MRE11: variants seen among roughly 807,000 people sequenced by gnomAD.
MRE11 encodes double-strand break repair protein MRE11.
A neutral mutation model predicts 91.7 loss-of-function variants in MRE11; 62 were observed. The observed-to-expected ratio is 0.68, with a 90% CI of 0.55 to 0.84. The LOEUF is 0.84. MRE11 is among the 40% of genes least tolerant of loss of function. MRE11 has a pLI of 0.00. For synonymous variants in MRE11, 273 were observed against 271.4 expected, an observed-to-expected ratio of 1.01 and a Z score of -0.06; for missense variants, 796 against 852.9, an observed-to-expected ratio of 0.93 and a Z score of 0.83.
chr11:94,464,196 A>C lies in MRE11; in HGVS notation c.1142T>G (p.Phe381Cys), dbSNP rs1386525498. The change falls in exon 11 of 20, where the codon TTT becomes TGT. Residue 381 changes from phenylalanine to cysteine, a missense_variant. Coordinates refer to ENST00000323929, the MANE Select transcript of MRE11 (RefSeq NM_005591.4). ...TACCCGATCCACAAATTTCTGGCTA[A>C]AGCGAAGAACACTGAAAGGTTCAAA... Reference protein sequence around the residue: ...GGFEPFSVLRFSQKFVDRVAN... With the variant: ...GGFEPFSVLRCSQKFVDRVAN... 1 of 1,613,880 alleles carries C rather than the reference A, an allele frequency of 6.2e-7. No individual in the cohort carries two copies. Among genetic ancestry groups the C allele is most frequent in the Non-Finnish European group, 8.5e-7 (1 of 1,179,934 alleles).
Position 94,467,870 on chromosome 11 carries a change from A to C in MRE11, c.1041T>G (p.Ala347=). ...GAGAATTACCCAGACGTTCCCGTTC[A>C]GCATTTTCAAGCATTTCTTCAATCT... is the stretch of plus-strand genomic sequence containing the variant. ...LEKIEEMLEN[A]ERERLGNSHQ... is the part of the protein sequence containing the mutation. Residue 347 remains alanine, a synonymous_variant, in exon 10 of 20, where the codon GCT becomes GCG. Coordinates refer to ENST00000323929, the MANE Select transcript of MRE11 (RefSeq NM_005591.4). 6.2e-7 allele frequency: 1 copy of C among 1,613,720 alleles called. No individual in the cohort carries two copies. The highest frequency in any genetic ancestry group is 8.5e-7 in the Non-Finnish European group (1 of 1,179,778).
chr11:94,479,710 C>T lies in MRE11; in HGVS notation c.366G>A (p.Val122=), dbSNP rs2135091081. Residue 122 remains valine, a synonymous_variant, in exon 5 of 20, where the codon GTG becomes GTA. Transcript: ENST00000323929. ...QDGNLNISIP[V]FSIHGNHDDP... ...CGTCATGATTGCCATGAATACTAAA[C>T]ACTGGAATTGAAATGTTGAGGTTGC... 1 of 1,613,016 alleles carries T rather than the reference C, an allele frequency of 6.2e-7. No individual in the cohort carries two copies. Among genetic ancestry groups the T allele is most frequent in the East Asian group, 2.2e-5 (1 of 44,782 alleles).
chr11:94,451,113 C>T (rs1474502460), intron 14 of MRE11, among the ~76,000 whole-genome samples: 1 of 150,724 alleles, frequency 6.6e-6, no homozygotes, highest in African/African-American at 2.4e-5. Flanking sequence ...AACGAGACTC[C>T]GTCTATATAA....
At position 94,437,239 on chromosome 11, in the gene MRE11, G is replaced by T. The variant is rs768257868; in HGVS notation, c.1868-4C>A. 2 of 1,611,810 alleles carry T rather than the reference G, an allele frequency of 1.2e-6. No individual in the cohort carries two copies. Among genetic ancestry groups the T allele is most frequent in the Admixed American group, 1.7e-5 (1 of 59,944 alleles). ...TGCTGTCTTGTAGATTTAAAGGCTA[G>T]AATGAAAAAGATGAAATGTGCATTA... On this transcript the variant is annotated splice_region_variant and splice_polypyrimidine_tract_variant and intron_variant, in intron 16 of 19. Transcript: ENST00000323929.
intron 10 of MRE11, among the ~76,000 whole-genome samples, chr11:94,465,024 C>G (rs1470334350): frequency 3.9e-5 from 6 of 152,156 alleles, no homozygotes; most frequent in African/African-American, 1.4e-4. Context: ...TCATGTCTCT[C>G]TTTGCACCTC....
chr11:94,449,320 A>G (rs1946030186), intron 14 of MRE11, among the ~76,000 whole-genome samples: 2 of 152,250 alleles, frequency 1.3e-5, no homozygotes, highest in South Asian at 4.1e-4. Flanking sequence ...ACAACAAAAA[A>G]TATAAGAAAC....
intron 10 of MRE11, among the ~76,000 whole-genome samples, chr11:94,464,787 T>C (rs1236662263): frequency 6.6e-6 from 1 of 152,186 alleles, no homozygotes; most frequent in Admixed American, 6.5e-5. Flanking sequence ...AGGTAGACTC[T>C]TTCTACAGAA....
At chr11:94,462,478 C>T (rs1455102355) in intron 11 of MRE11, among the ~76,000 whole-genome samples, 2 of 152,120 alleles carry the variant, frequency 1.3e-5, no homozygotes, top group African/African-American at 4.8e-5. Flanking sequence ...CAAGACAATC[C>T]TAAGCAAAAA....
chr11:94,458,822 C>A (rs1301298765), intron 13 of MRE11, among the ~76,000 whole-genome samples: 1 of 152,062 alleles, frequency 6.6e-6, no homozygotes, highest in Non-Finnish European at 1.5e-5. Flanking sequence ...CTTTTATGAA[C>A]CACCTATTCA....
chr11:94,497,129 G>T (rs1947427894), upstream of MRE11: 1 of 767,858 alleles, frequency 1.3e-6, no homozygotes, highest in Admixed American at 2.4e-5. Context: ...GTATTATTTG[G>T]GGGTTTAAGG....
chr11:94,458,947 A>G (rs1946339277), intron 13 of MRE11, among the ~76,000 whole-genome samples: 1 of 152,166 alleles, frequency 6.6e-6, no homozygotes, highest in South Asian at 2.1e-4. Context: ...TTTCATGTCA[A>G]TATCTTTTAA....
chr11:94,458,680 TA>T (rs1162590359), intron 13 of MRE11, among the ~76,000 whole-genome samples: 2 of 152,170 alleles, frequency 1.3e-5, no homozygotes, highest in Non-Finnish European at 2.9e-5. Flanking sequence ...AACGTAATAC[TA>T]CTACCAGCAG....
chr11:94,441,977 CAAAAAAAAAAAA>C (rs35673778), intron 16 of MRE11, among the ~76,000 whole-genome samples: 1 of 48,224 alleles, frequency 2.1e-5, no homozygotes, highest in African/African-American at 7.7e-5. Flanking sequence ...GACTCTGTCT[CAAAAAAAAAAAA>C]AAAAAAAAAA....
intron 6 of MRE11, among the ~76,000 whole-genome samples, chr11:94,476,931 G>A (rs1565232558): frequency 6.6e-6 from 1 of 152,128 alleles, no homozygotes; most frequent in African/African-American, 2.4e-5. Flanking sequence ...CGTTGGACAG[G>A]CTGGTCTTGA....
intron 16 of MRE11, among the ~76,000 whole-genome samples, chr11:94,441,125 G>A (rs1328951486): frequency 6.6e-6 from 1 of 152,120 alleles, no homozygotes; most frequent in African/African-American, 2.4e-5. Context: ...CTCCTGATAG[G>A]TCCCCTTTAA....
intron 5 of MRE11, 70 bp from the exon 6 acceptor site, chr11:94,478,946 C>T (rs1356094387): frequency 1.3e-6 from 2 of 1,514,454 alleles, no homozygotes; most frequent in Non-Finnish European, 1.8e-6. Context: ...TATCGTATCA[C>T]CTGTTAAAAG....
chr11:94,467,947 G>T, intron 9 of MRE11, 54 bp from the exon 10 acceptor site: 1 of 1,394,432 alleles, frequency 7.2e-7, no homozygotes, highest in East Asian at 2.3e-5. Flanking sequence ...GTTTAACTTG[G>T]CTGAATAGCA....
intron 2 of MRE11, among the ~76,000 whole-genome samples, chr11:94,492,077 T>C (rs1034686331): frequency 3.3e-5 from 5 of 152,092 alleles, no homozygotes; most frequent in Non-Finnish European, 4.4e-5. Context: ...ACACAGCTAG[T>C]AGGGTCCAAG....
the MRE11 span, among the ~76,000 whole-genome samples, chr11:94,503,533 CA>C: frequency 6.6e-6 from 1 of 151,682 alleles, no homozygotes; most frequent in Non-Finnish European, 1.5e-5. Flanking sequence ...ACTAAAAATA[CA>C]AAAAAATTAG....
Sources: gnomAD v4.1 joint callset for allele counts (sites outside exome capture counted in the v4.1 genomes callset) on GRCh38, gnomAD v4.1.1 for gene constraint, MANE v1.5 for transcripts, NCBI Gene and HGNC (gene_info 2026-07-23, HGNC 2026-07-21) for gene names.